NAV3: variants seen among roughly 807,000 people sequenced by gnomAD.
The protein encoded by NAV3 is pore membrane and/or filament interacting like protein 1.
Under a neutral mutation model 244.7 loss-of-function variants are expected in NAV3, and 87 were observed. The observed-to-expected ratio is 0.36, with a 90% CI of 0.30 to 0.42. The LOEUF (loss-of-function observed/expected upper bound fraction) is 0.42. NAV3 is among the 20% of genes least tolerant of loss of function. The pLI is 1.00. For synonymous variants in NAV3, 1,126 were observed against 1,042.2 expected (o/e 1.08, Z -1.55); for missense variants, 2,663 against 2,893.3 (o/e 0.92, Z 1.83).
intron 2 of NAV3, among the ~76,000 whole-genome samples, chr12:77,630,684 T>G (rs1871855645): frequency 6.6e-6 from 1 of 152,216 alleles, no homozygotes; most frequent in Non-Finnish European, 1.5e-5. Context: ...ATTACCTTGA[T>G]GGCTTATATT....
chr12:77,647,859 CAT>C, intron 2 of NAV3, among the ~76,000 whole-genome samples: 1 of 152,140 alleles, frequency 6.6e-6, no homozygotes, highest in South Asian at 2.1e-4. Context: ...ATTCCTATAA[CAT>C]ATAAAATAAA....
intron 1 of NAV3, among the ~76,000 whole-genome samples, chr12:77,849,310 CAT>C (rs1348592110): frequency 6.6e-6 from 1 of 152,082 alleles, no homozygotes; most frequent in African/African-American, 2.4e-5. Flanking sequence ...TGATTTACTT[CAT>C]GTCTATATCG....
At chr12:78,035,108 T>G (rs1456893117) in intron 9 of NAV3, among the ~76,000 whole-genome samples, 1 of 152,148 alleles carries the variant, frequency 6.6e-6, no homozygotes, top group East Asian at 1.9e-4. Context: ...CTTTACAAAG[T>G]AAGTGGTTAT....
chr12:77,695,025 C>T (rs1875230465), intron 2 of NAV3, among the ~76,000 whole-genome samples: 1 of 152,154 alleles, frequency 6.6e-6, no homozygotes, highest in East Asian at 1.9e-4. Context: ...TACATAAGTG[C>T]CAGAAGCTGC....
chr12:78,199,447 G>A lies in NAV3; in HGVS notation c.6631G>A (p.Val2211Ile), dbSNP rs1959394639. The A allele has an allele frequency of 1.2e-6, 2 of 1,610,378 alleles. No individual in the cohort carries two copies. The highest frequency in any genetic ancestry group is 1.3e-5 in the African/African-American group (1 of 74,794). ...IERNIRNNDL[V>I]KIIDWIPKTW... ...AAGGAACATTCGCAATAATGACCTA[G>A]TCAAAATTATAGATTGGATTCCGAA... Residue 2211 changes from valine (V) to isoleucine (I), a missense_variant, in exon 37 of 40, where the codon GTC (valine) becomes ATC (isoleucine). By Grantham distance (29) the Val-to-Ile change is conservative. Around this residue, in one of 6 missense-constraint regions of NAV3, gnomAD observed 543 missense variants for 672.4 expected, o/e 0.81. Transcript: ENST00000397909.
chr12:78,168,564 A>G (rs1957875228), intron 23 of NAV3, among the ~76,000 whole-genome samples, 191 bp from the exon 24 acceptor site: 1 of 151,846 alleles, frequency 6.6e-6, no homozygotes, highest in South Asian at 2.1e-4. Context: ...AAACAAACAA[A>G]CAAAAAACCA....
chr12:77,593,513 G>A (rs189078833), intron 2 of NAV3, among the ~76,000 whole-genome samples: 2 of 150,776 alleles, frequency 1.3e-5, no homozygotes, highest in Non-Finnish European at 3.0e-5. Context: ...GCAGTGGCGC[G>A]ATCTCGGCTC....
chr12:77,593,229 T>C (rs117440568), intron 2 of NAV3, among the ~76,000 whole-genome samples: 2,765 of 151,872 alleles, frequency 0.018, 41 homozygotes, highest in Non-Finnish European at 0.028. Flanking sequence ...ACCAAGATTA[T>C]TAACACATTA....
chr12:77,625,869 A>G (rs1871598597), intron 2 of NAV3, among the ~76,000 whole-genome samples: 1 of 152,238 alleles, frequency 6.6e-6, no homozygotes, highest in South Asian at 2.1e-4. Context: ...ATATCAACAT[A>G]AGGACACAAG....
At chr12:77,911,554 G>T (rs924179648) in intron 1 of NAV3, among the ~76,000 whole-genome samples, 1 of 151,994 alleles carries the variant, frequency 6.6e-6, no homozygotes, top group Admixed American at 6.6e-5. Flanking sequence ...CTTGGTAAAT[G>T]ATCATCTACT....
At chr12:78,184,724 G>A (rs556508387) in intron 30 of NAV3, among the ~76,000 whole-genome samples, 2 of 151,744 alleles carry the variant, frequency 1.3e-5, no homozygotes, top group African/African-American at 4.8e-5. Flanking sequence ...TATTGTCAGA[G>A]CAGTTGAGTC....
intron 2 of NAV3, among the ~76,000 whole-genome samples, chr12:77,821,988 T>C (rs1324105601): frequency 2.0e-5 from 3 of 152,192 alleles, no homozygotes; most frequent in African/African-American, 4.8e-5. Context: ...GATTTTGTTT[T>C]AATGGAATAG....
At chr12:78,008,437 A>C (rs1010311482) in intron 8 of NAV3, among the ~76,000 whole-genome samples, 1 of 152,118 alleles carries the variant, frequency 6.6e-6, no homozygotes, top group Non-Finnish European at 1.5e-5. Context: ...TCCCCAGTTT[A>C]TTCACTGCTT....
At chr12:77,806,304 G>A (rs1183270045) in intron 2 of NAV3, among the ~76,000 whole-genome samples, 1 of 152,152 alleles carries the variant, frequency 6.6e-6, no homozygotes, top group African/African-American at 2.4e-5. Flanking sequence ...GGTGCATTTA[G>A]TGCTATAAAT....
At chr12:77,658,657 C>G (rs1873257015) in intron 2 of NAV3, among the ~76,000 whole-genome samples, 1 of 152,060 alleles carries the variant, frequency 6.6e-6, no homozygotes, top group Non-Finnish European at 1.5e-5. Context: ...CCAAGTCAAT[C>G]CTAAGCCAAA....
chr12:78,157,943 C>T (rs1397277618), intron 22 of NAV3, among the ~76,000 whole-genome samples: 1 of 152,020 alleles, frequency 6.6e-6, no homozygotes, highest in African/African-American at 2.4e-5. Context: ...AGAAAGGCAT[C>T]CCAGGATGAA....
intron 16 of NAV3, among the ~76,000 whole-genome samples, chr12:78,126,651 G>A (rs563424275): frequency 6.6e-6 from 1 of 152,100 alleles, no homozygotes; most frequent in African/African-American, 2.4e-5. Flanking sequence ...TAAGTTTTAA[G>A]CAAACATTCA....
At chr12:77,874,127 T>C (rs1040027304) in intron 1 of NAV3, among the ~76,000 whole-genome samples, 3 of 151,900 alleles carry the variant, frequency 2.0e-5, no homozygotes, top group African/African-American at 7.3e-5. Context: ...TGTGAAAAAA[T>C]TGTCTTCAGT....
At chr12:77,577,142 G>A (rs1369068578) in intron 2 of NAV3, among the ~76,000 whole-genome samples, 3 of 152,112 alleles carry the variant, frequency 2.0e-5, no homozygotes, top group Non-Finnish European at 2.9e-5. Flanking sequence ...AAAGAAACTC[G>A]TGCTGTGATT....
Sources: allele counts gnomAD v4.1 joint callset (sites outside exome capture counted in the v4.1 genomes callset), GRCh38; gene constraint gnomAD v4.1.1; regional missense constraint gnomAD v4.1.1; transcripts MANE v1.5; gene names NCBI Gene and HGNC (gene_info 2026-07-23, HGNC 2026-07-21).